The following CHD6 variants were observed in gnomAD, a reference collection of about 807,000 sequenced individuals.
CHD6 encodes chromodomain helicase DNA binding protein 6.
CHD6 carries 50 observed loss-of-function variants against 276.9 expected under a neutral mutation model. The ratio of observed to expected loss-of-function variants is 0.18; its 90% confidence interval spans 0.14 to 0.23. The LOEUF (loss-of-function observed/expected upper bound fraction) is 0.23. CHD6 is among the 10% of genes least tolerant of loss of function. The pLI is 1.00. For synonymous variants in CHD6, 1,173 were observed against 1,229.3 expected (o/e 0.95, Z 0.96); for missense variants, 2,564 against 3,365.8 (o/e 0.76, Z 5.89).
intron 10 of CHD6, 103 bp downstream of exon 10, chr20:41,493,435 C>A (rs538647868): frequency 2.5e-6 from 3 of 1,189,054 alleles, no homozygotes; most frequent in Admixed American, 4.3e-5. Context: ...AGGTAAAATA[C>A]CACAGAAACC....
rs61590579 is a variant in CHD6, at chr20:41,430,854, A to ATT, written c.4069-4703_4069-4702dup. ...TAAGGACTGGAACAGCAGAACATGA[A>ATT]TTTTTTTTTTTTTTTTTTTTTTTGA... is the stretch of plus-strand genomic sequence containing the variant. On this transcript the variant is annotated intron_variant, in intron 27 of 36. Coordinates refer to ENST00000373233, the MANE Select transcript of CHD6 (RefSeq NM_032221.5). Among the ~76,000 whole-genome samples, 314 of 127,520 alleles carry ATT rather than the reference A, an allele frequency of 2.5e-3. 6 individuals carry two copies. The South Asian group carries it at 0.027, about 11-fold the overall frequency. The allele number at this position is 127,520 out of a possible 152,430, so 83.7% of individuals were successfully genotyped here. A position where few individuals can be genotyped will look rare whatever the true frequency, so the allele number is the denominator to read the frequency against.
chr20:41,425,659 T>C (rs932288055), intron 28 of CHD6, among the ~76,000 whole-genome samples: 1 of 152,206 alleles, frequency 6.6e-6, no homozygotes, highest in Admixed American at 6.5e-5. Context: ...GTGAGGACTT[T>C]GCTCTAAAGC....
chr20:41,494,080 A>G (rs2043619929), intron 8 of CHD6, 136 bp from the exon 9 acceptor site: 1 of 616,284 alleles, frequency 1.6e-6, no homozygotes, highest in South Asian at 2.1e-5. Context: ...CTTAAGAATA[A>G]AAGTCACGGC....
chr20:41,509,186 A>G (rs1324260443), intron 5 of CHD6, among the ~76,000 whole-genome samples: 1 of 152,152 alleles, frequency 6.6e-6, no homozygotes, highest in African/African-American at 2.4e-5. Context: ...AAGTGGTGCA[A>G]CGATCCCAGC....
intron 1 of CHD6, among the ~76,000 whole-genome samples, chr20:41,617,173 A>C (rs535417307): frequency 1.3e-5 from 2 of 152,152 alleles, no homozygotes; most frequent in African/African-American, 2.4e-5. Flanking sequence ...GGGGTGGGAA[A>C]TAAGGCACAC....
chr20:41,474,294 A>C (rs1327873773), intron 16 of CHD6, among the ~76,000 whole-genome samples: 1 of 152,192 alleles, frequency 6.6e-6, no homozygotes, highest in East Asian at 1.9e-4. Flanking sequence ...TAAGGGTAAA[A>C]GGAAAAAGAA....
At chr20:41,514,103 C>T (rs2044191260) in intron 4 of CHD6, among the ~76,000 whole-genome samples, 1 of 152,214 alleles carries the variant, frequency 6.6e-6, no homozygotes, top group African/African-American at 2.4e-5. Context: ...TACTAGCTGT[C>T]ATTTTCCTAC....
rs369675473 is a variant in CHD6, at chr20:41,412,035, T to C, written c.7251+109A>G. The stretch of plus-strand genomic sequence containing the variant: ...GCTGGCTTCTAGTCCTCTTGAAAGA[T>C]GTCTCCCAGCGAACCCCTTCCCAGC... On this transcript the variant is annotated intron_variant, in intron 36 of 36. Coordinates refer to ENST00000373233, the MANE Select transcript of CHD6 (RefSeq NM_032221.5). The C allele has an allele frequency of 6.7e-5, 99 of 1,470,296 alleles. 1 individual carries two copies. The African/African-American group carries it at 1.2e-3, about 18-fold the overall frequency. 91.1% of individuals were successfully genotyped at this position (1,470,296 alleles called of 1,614,324 possible). A position where few individuals can be genotyped will look rare whatever the true frequency, so the allele number is the denominator to read the frequency against.
intron 31 of CHD6, among the ~76,000 whole-genome samples, chr20:41,417,674 C>T (rs1010764641): frequency 2.0e-5 from 3 of 152,168 alleles, no homozygotes; most frequent in African/African-American, 4.8e-5. Flanking sequence ...AGGCTTCTCA[C>T]TTAGTGTAGT....
rs577225683 is a variant in CHD6 at position 41,468,083 on chromosome 20, A to G, written c.2664+5239T>C. Reference sequence around the variant, plus strand: ...AGTCTTCCTAGACCACTCTTTCTAAATCAGGGCAACCAACTCCTATCATTC... The same window carrying G: ...AGTCTTCCTAGACCACTCTTTCTAAGTCAGGGCAACCAACTCCTATCATTC... On this transcript the variant is annotated intron_variant, in intron 17 of 36. Transcript: ENST00000373233. Among the ~76,000 whole-genome samples, 13 of 150,152 alleles carry G rather than the reference A, an allele frequency of 8.7e-5. No individual in the cohort carries two copies. In the East Asian group the frequency reaches 2.0e-3, roughly 23 times the overall value.
At chr20:41,470,918 G>C (rs1294419355) in intron 17 of CHD6, among the ~76,000 whole-genome samples, 1 of 152,224 alleles carries the variant, frequency 6.6e-6, no homozygotes, top group African/African-American at 2.4e-5. Context: ...TATCGCTTCA[G>C]GCATGTCCAG....
chr20:41,572,274 G>T (rs76186568), intron 1 of CHD6, among the ~76,000 whole-genome samples: 7,510 of 152,270 alleles, frequency 0.049, 245 homozygotes, highest in Non-Finnish European at 0.082. Context: ...TGCTTTTGCT[G>T]TTCTTGCTCT....
chr20:41,549,662 AT>A (rs1345015964), intron 2 of CHD6, among the ~76,000 whole-genome samples: 5 of 152,032 alleles, frequency 3.3e-5, no homozygotes, highest in Admixed American at 1.3e-4. Flanking sequence ...AATTAAAAAA[AT>A]AAAATATTTT....
intron 1 of CHD6, among the ~76,000 whole-genome samples, chr20:41,606,115 T>G (rs2045824681): frequency 6.6e-6 from 1 of 152,200 alleles, no homozygotes; most frequent in South Asian, 2.1e-4. Flanking sequence ...TAGTGGCTTA[T>G]GCCTGTAATC....
intron 5 of CHD6, among the ~76,000 whole-genome samples, chr20:41,504,754 C>G (rs948099987): frequency 6.6e-6 from 1 of 152,124 alleles, no homozygotes; most frequent in African/African-American, 2.4e-5. Flanking sequence ...TTTTAAAGTT[C>G]TTTCCTCCTG....
chr20:41,447,808 G>A, intron 24 of CHD6, 74 bp downstream of exon 24: 1 of 1,111,424 alleles, frequency 9.0e-7, no homozygotes, highest in South Asian at 1.4e-5. Context: ...GCACAGGCAA[G>A]TTTGGCCAGC....
At chr20:41,432,135 G>C (rs185383000) in intron 27 of CHD6, among the ~76,000 whole-genome samples, 2 of 137,964 alleles carry the variant, frequency 1.4e-5, no homozygotes, top group Non-Finnish European at 3.0e-5. Context: ...ACTCCAACCT[G>C]GGCAGCAAGA....
At chr20:41,495,397 A>G (rs1159551199) in intron 8 of CHD6, among the ~76,000 whole-genome samples, 1 of 152,218 alleles carries the variant, frequency 6.6e-6, no homozygotes, top group Non-Finnish European at 1.5e-5. Flanking sequence ...TATATGTGGA[A>G]TATAAAATAA....
chr20:41,555,238 A>AC (rs1221885526), intron 1 of CHD6, among the ~76,000 whole-genome samples: 11 of 120,230 alleles, frequency 9.1e-5, no homozygotes, highest in African/African-American at 1.7e-4. Context: ...TGGGGGGCTG[A>AC]CCCCCCCACC....
Sources: gnomAD v4.1 joint callset for allele counts (sites outside exome capture counted in the v4.1 genomes callset) on GRCh38, gnomAD v4.1.1 for gene constraint, MANE v1.5 for transcripts, NCBI Gene and HGNC (gene_info 2026-07-23, HGNC 2026-07-21) for gene names.